The following PAWR variants were observed in gnomAD, a reference collection of about 807,000 sequenced individuals.
The protein encoded by PAWR is pro-apoptotic WT1 regulator.
In PAWR, 23 loss-of-function variants were observed where a neutral mutation model predicts 32.0. The ratio of observed to expected loss-of-function variants is 0.72; its 90% CI spans 0.52 to 1.02. PAWR has a LOEUF of 1.02. Among genes scored for constraint, PAWR ranks in the 50% least tolerant of loss-of-function variants. The pLI, the probability that PAWR is intolerant of heterozygous loss-of-function variation, is 0.00. For missense variants in PAWR, 457 were observed against 437.7 expected (o/e 1.04, Z -0.39); for synonymous variants, 226 against 187.1 (o/e 1.21, Z -1.70).
intron 2 of PAWR, among the ~76,000 whole-genome samples, chr12:79,673,795 C>A (rs1211444339): frequency 6.6e-6 from 1 of 152,058 alleles, no homozygotes; most frequent in Non-Finnish European, 1.5e-5. Flanking sequence ...GAATGTAATC[C>A]CATTCACAAC....
intron 2 of PAWR, among the ~76,000 whole-genome samples, chr12:79,634,777 A>G (rs1450333183): frequency 6.6e-6 from 1 of 152,146 alleles, no homozygotes; most frequent in Non-Finnish European, 1.5e-5. Flanking sequence ...TGCAGCTGAA[A>G]AAAAAAAGAG....
At position 79,638,331 on chromosome 12, in the gene PAWR, G is replaced by A. The variant is rs187128983; in HGVS notation, c.517-17124C>T. ...TATCTTCATTTTCTTCACTGATGTT[G>A]TCTGTCAATTTCATTTCTTAGTACT... On this transcript the variant is annotated intron_variant, in intron 2 of 6. Coordinates refer to ENST00000328827, the MANE Select transcript of PAWR (RefSeq NM_002583.4). Among the ~76,000 whole-genome samples, 3 of 152,080 alleles carry A rather than the reference G, an allele frequency of 2.0e-5. No homozygotes were observed. In the East Asian group the frequency reaches 5.8e-4, roughly 29 times the overall value.
chr12:79,620,300 GAATAATT>G, intron 3 of PAWR, among the ~76,000 whole-genome samples: 1 of 152,226 alleles, frequency 6.6e-6, no homozygotes, highest in African/African-American at 2.4e-5. Flanking sequence ...TTCCTTTCCT[GAATAATT>G]AAGTCCTAAA....
At chr12:79,623,259 A>G (rs947497674) in intron 2 of PAWR, among the ~76,000 whole-genome samples, 22 of 152,302 alleles carry the variant, frequency 1.4e-4, no homozygotes, top group Middle Eastern at 3.4e-3. Flanking sequence ...AATCTCTCTC[A>G]GGACTTTCAA....
At chr12:79,607,888 A>G (rs940057295) in intron 4 of PAWR, among the ~76,000 whole-genome samples, 1 of 152,020 alleles carries the variant, frequency 6.6e-6, no homozygotes, top group Non-Finnish European at 1.5e-5. Context: ...CGTCTCTACC[A>G]AAAATACAAA....
intron 2 of PAWR, among the ~76,000 whole-genome samples, chr12:79,656,831 C>T (rs1158864199): frequency 1.3e-5 from 2 of 152,058 alleles, no homozygotes; most frequent in African/African-American, 4.8e-5. Context: ...CCCTGAGAGA[C>T]AGAAAACAAA....
Position 79,658,436 on chromosome 12 carries a change from T to C in PAWR, c.516+31293A>G, listed in dbSNP as rs369777533. Among the ~76,000 whole-genome samples the C allele has an allele frequency of 5.5e-4, 84 of 152,286 alleles. 2 individuals carry two copies. Among genetic ancestry groups the C allele is most frequent in the African/African-American group, 2.0e-3 (84 of 41,568 alleles). ...TTTTTTAGTGAGTAATAGGGGGTTG[T>C]GTTCCTCTTATCGGACAACCAAGCA... On this transcript the variant is annotated intron_variant, in intron 2 of 6. Coordinates refer to ENST00000328827, the MANE Select transcript of PAWR (RefSeq NM_002583.4).
Position 79,596,564 on chromosome 12 carries a change from C to A in PAWR, c.778G>T (p.Gly260Cys). The change falls in exon 5 of 7, where the codon GGT becomes TGT. Residue 260 changes from glycine (G) to cysteine (C), a missense_variant. Gly to Cys is a radical substitution (Grantham distance 159). Transcript: ENST00000328827. ...PRYNRDANVS[G>C]TLVSSSTLEK... ...AGTGTGCTACTTGAAACCAGAGTAC[C>A]TGAAACATTTGCATCCCTGTTATAT... 6.3e-7 allele frequency: 1 copy of A among 1,599,010 alleles called. No individual in the cohort carries two copies. Among genetic ancestry groups the A allele is most frequent in the Non-Finnish European group, 8.6e-7 (1 of 1,168,244 alleles).
At chr12:79,661,987 C>T (rs1287672118) in intron 2 of PAWR, among the ~76,000 whole-genome samples, 1 of 151,914 alleles carries the variant, frequency 6.6e-6, no homozygotes, top group Non-Finnish European at 1.5e-5. Context: ...GATTCTCATA[C>T]CCAAAGATAG....
At chr12:79,602,135 C>T (rs528981260) in intron 4 of PAWR, among the ~76,000 whole-genome samples, 1 of 152,284 alleles carries the variant, frequency 6.6e-6, no homozygotes, top group African/African-American at 2.4e-5. Flanking sequence ...GCATGCTTCC[C>T]TCAGGACACC....
chr12:79,658,880 T>G (rs531822486), intron 2 of PAWR, among the ~76,000 whole-genome samples: 90 of 151,774 alleles, frequency 5.9e-4, no homozygotes, highest in African/African-American at 2.1e-3. Flanking sequence ...AGGCTGGTCT[T>G]GAACTCGTGA....
chr12:79,601,099 T>C (rs1200830407), intron 4 of PAWR, among the ~76,000 whole-genome samples: 1 of 151,370 alleles, frequency 6.6e-6, no homozygotes, highest in East Asian at 1.9e-4. Flanking sequence ...CAAAAACCTA[T>C]AAATTGTGGC....
intron 2 of PAWR, among the ~76,000 whole-genome samples, chr12:79,622,218 T>C (rs1038354471): frequency 6.6e-6 from 1 of 151,920 alleles, no homozygotes; most frequent in Non-Finnish European, 1.5e-5. Flanking sequence ...AGGAGGAACA[T>C]ACTGAAAGGG....
chr12:79,593,643 G>C (rs1476756612), intron 6 of PAWR, among the ~76,000 whole-genome samples: 2 of 149,008 alleles, frequency 1.3e-5, no homozygotes, highest in Admixed American at 6.7e-5. Flanking sequence ...CTGGGCAACA[G>C]AGAGAGACTC....
chr12:79,586,730 A>C lies in PAWR; in HGVS notation c.*5877T>G, dbSNP rs1873395187. ...TTGTTCAACTATTTGACACAAAAGG[A>C]GCTTTTTCCTTTCTTTAAAAGGATT... On this transcript the variant is annotated 3_prime_UTR_variant, in exon 7 of 7. Transcript: ENST00000328827. The C allele has an allele frequency of 6.6e-6, 1 of 152,190 alleles. No individual in the cohort carries two copies. Among genetic ancestry groups the C allele is most frequent in the Non-Finnish European group, 1.5e-5 (1 of 68,004 alleles). The allele number at this position is 152,190 out of a possible 1,614,324, so 9.4% of individuals were successfully genotyped here.
At chr12:79,600,514 C>G (rs1232223613) in intron 4 of PAWR, among the ~76,000 whole-genome samples, 2 of 151,760 alleles carry the variant, frequency 1.3e-5, no homozygotes, top group South Asian at 2.1e-4. Flanking sequence ...GCACTGTCAC[C>G]CAGGCTGATG....
Position 79,632,428 on chromosome 12 carries a change from G to A in PAWR, c.517-11221C>T, listed in dbSNP as rs573674441. ...GGCTGGAGTGCAGTGGTGCAACCAT[G>A]GGTCACTGCAGCCTTGACCTCCTGG... On this transcript the variant is annotated intron_variant, in intron 2 of 6. Coordinates refer to ENST00000328827, the MANE Select transcript of PAWR (RefSeq NM_002583.4). Among the ~76,000 whole-genome samples, 106 of 142,810 alleles carry A rather than the reference G, an allele frequency of 7.4e-4. 1 individual carries two copies. In the South Asian group the frequency reaches 0.023, roughly 31 times the overall value. The allele number at this position is 142,810 out of a possible 152,430, so 93.7% of individuals were successfully genotyped here.
At chr12:79,603,392 C>T (rs1358842776) in intron 4 of PAWR, among the ~76,000 whole-genome samples, 3 of 151,908 alleles carry the variant, frequency 2.0e-5, no homozygotes, top group Non-Finnish European at 2.9e-5. Flanking sequence ...TAAAGCCATA[C>T]CATATTATAG....
chr12:79,656,042 G>T (rs1189003208), intron 2 of PAWR, among the ~76,000 whole-genome samples: 3 of 152,200 alleles, frequency 2.0e-5, no homozygotes, highest in Non-Finnish European at 2.9e-5. Context: ...TAAATCTCAA[G>T]ATCTGAAGAT....
Sources: gnomAD v4.1 joint callset for allele counts (sites outside exome capture counted in the v4.1 genomes callset) on GRCh38, gnomAD v4.1.1 for gene constraint, MANE v1.5 for transcripts, NCBI Gene and HGNC (gene_info 2026-07-23, HGNC 2026-07-21) for gene names.